Variants in PTPRQ observed in about 807,000 individuals in gnomAD.
PTPRQ encodes phosphatidylinositol phosphatase PTPRQ.
Under a neutral mutation model 246.0 loss-of-function variants are expected in PTPRQ, and 199 were observed. That is an observed-to-expected ratio of 0.81 (90% confidence interval 0.72 to 0.91). The LOEUF is 0.91. Among genes scored for constraint, PTPRQ ranks in the 40% least tolerant of loss-of-function variants. The pLI is 0.00. For synonymous variants in PTPRQ, 869 were observed against 853.2 expected, an observed-to-expected ratio of 1.02 and a Z score of -0.32; for missense variants, 2,624 against 2,528.4, an observed-to-expected ratio of 1.04 and a Z score of -0.81.
In PTPRQ at chr12:80,635,090, G is replaced by A; in HGVS notation, c.5915+17G>A. The A allele has an allele frequency of 1.3e-6, 2 of 1,548,730 alleles. No homozygotes were observed. The highest frequency in any genetic ancestry group is 8.7e-7 in the Non-Finnish European group (1 of 1,145,878). On this transcript the variant is annotated intron_variant, in intron 35 of 44. Transcript: ENST00000644991. ...ATTAACGCGGTGAGCACACTCCTCT[G>A]GGTGAACTGTGGTCCAGAGGGCCTG...
chr12:80,487,179 G>A (rs1278613363), intron 9 of PTPRQ, among the ~76,000 whole-genome samples: 2 of 151,914 alleles, frequency 1.3e-5, no homozygotes, highest in Non-Finnish European at 2.9e-5. Context: ...GCCATTTGTG[G>A]GAAGAGTCCA....
chr12:80,454,316 A>G (rs7972946), intron 3 of PTPRQ, among the ~76,000 whole-genome samples: 70,612 of 133,098 alleles, frequency 0.53, 20,611 homozygotes, highest in African/African-American at 0.85. Context: ...GACCCCTTGC[A>G]CTTCCCGAGT....
chr12:80,541,797 T>A lies in PTPRQ; in HGVS notation c.3397T>A (p.Phe1133Ile). 6.4e-7 allele frequency: 1 copy of A among 1,550,724 alleles called. No homozygotes were observed. Among genetic ancestry groups the A allele is most frequent in the Non-Finnish European group, 8.7e-7 (1 of 1,146,470 alleles). ...LKITPSTEKG[F>I]SDTYTAQLYI... Reference sequence around the variant, plus strand: ...AATTACTCCATCAACAGAAAAGGGATTCTCTGATACCTATACTGCCCAGCT... The same window carrying A: ...AATTACTCCATCAACAGAAAAGGGAATCTCTGATACCTATACTGCCCAGCT... Residue 1133 changes from phenylalanine to isoleucine, a missense_variant, in exon 21 of 45, where the codon TTC (phenylalanine) becomes ATC (isoleucine). Coordinates refer to ENST00000644991, the MANE Select transcript of PTPRQ (RefSeq NM_001145026.2).
Position 80,619,473 on chromosome 12 carries a change from C to A in PTPRQ, c.5320C>A (p.Pro1774Thr). The A allele has an allele frequency of 2.6e-6, 4 of 1,547,804 alleles. No homozygotes were observed. The highest frequency in any genetic ancestry group is 3.5e-6 in the Non-Finnish European group (4 of 1,144,594). The change falls in exon 31 of 45, where the codon CCA (proline) becomes ACA (threonine). Residue 1774 changes from proline to threonine, a missense_variant. By Grantham distance (38) the Pro-to-Thr change is conservative. Transcript: ENST00000644991. ...TTCAACAACAATTACAATCAGAATGCCAATATGTTACTACAGTGATGATCA... is the reference window on the plus strand; with the variant it reads ...TTCAACAACAATTACAATCAGAATGACAATATGTTACTACAGTGATGATCA... ...VTSTTITIRM[P>T]ICYYSDDHGP...
intron 42 of PTPRQ, among the ~76,000 whole-genome samples, chr12:80,670,990 A>C (rs1369628540): frequency 6.6e-6 from 1 of 152,128 alleles, no homozygotes; most frequent in Non-Finnish European, 1.5e-5. Context: ...TCACCACAAT[A>C]AAAAGATTTT....
At position 80,484,733 on chromosome 12, in the gene PTPRQ, T is replaced by A. The variant is rs1345328085; in HGVS notation, c.1359+128T>A. 2.7e-6 allele frequency: 3 copies of A among 1,104,106 alleles called. No individual in the cohort carries two copies. The African/African-American group carries it at 4.8e-5, about 18-fold the overall frequency. 68.4% of individuals were successfully genotyped at this position (1,104,106 alleles called of 1,614,324 possible). ...CTTACTAGTACAAAGTAAAGTAAAT[T>A]TGGGGCATGTTGATAATCTAGCTAG... On this transcript the variant is annotated intron_variant, in intron 9 of 44. Transcript: ENST00000644991.
intron 6 of PTPRQ, among the ~76,000 whole-genome samples, chr12:80,461,446 T>A (rs1263993787): frequency 6.6e-6 from 1 of 152,140 alleles, no homozygotes; most frequent in Admixed American, 6.6e-5. Context: ...AATTAGATAT[T>A]ATCATTACTA....
chr12:80,513,195 A>G (rs1354155258), intron 17 of PTPRQ, among the ~76,000 whole-genome samples: 1 of 152,082 alleles, frequency 6.6e-6, no homozygotes, highest in Admixed American at 6.5e-5. Flanking sequence ...CCAGAACTGG[A>G]TCACACGTGG....
intron 25 of PTPRQ, among the ~76,000 whole-genome samples, chr12:80,555,723 T>G (rs558207847): frequency 6.6e-6 from 1 of 152,276 alleles, no homozygotes; most frequent in Non-Finnish European, 1.5e-5. Flanking sequence ...AATTCAGGTG[T>G]TTTATACAGT....
At chr12:80,504,314 G>T (rs1894890208) in intron 14 of PTPRQ, among the ~76,000 whole-genome samples, 1 of 151,256 alleles carries the variant, frequency 6.6e-6, no homozygotes. Context: ...TTTAATTTTA[G>T]TTATTTTGTT....
chr12:80,667,469 A>T (rs1454380306), intron 39 of PTPRQ, among the ~76,000 whole-genome samples: 1 of 151,994 alleles, frequency 6.6e-6, no homozygotes, highest in South Asian at 2.1e-4. Flanking sequence ...ACTTTCTCTC[A>T]TAGCCCTTAT....
chr12:80,616,027 T>C (rs1166507407), intron 29 of PTPRQ, among the ~76,000 whole-genome samples, 173 bp from the exon 30 acceptor site: 5 of 150,368 alleles, frequency 3.3e-5, no homozygotes, highest in South Asian at 2.1e-4. Context: ...ATAGACTATA[T>C]GCAGTTGTTT....
At chr12:80,650,717 A>G (rs1051534556) in intron 37 of PTPRQ, among the ~76,000 whole-genome samples, 6 of 152,068 alleles carry the variant, frequency 3.9e-5, no homozygotes, top group Non-Finnish European at 1.5e-5. Context: ...GCATTTAGAC[A>G]GCAAGAATTC....
chr12:80,452,534 T>C (rs1892802757), intron 3 of PTPRQ, among the ~76,000 whole-genome samples: 1 of 152,334 alleles, frequency 6.6e-6, no homozygotes, highest in East Asian at 1.9e-4. Flanking sequence ...TAGTGCTTCC[T>C]TCAGGAGCTC....
chr12:80,657,916 T>A, intron 38 of PTPRQ, 69 bp from the exon 39 acceptor site: 1 of 1,178,036 alleles, frequency 8.5e-7, no homozygotes, highest in Non-Finnish European at 1.1e-6. Context: ...TTTGTATTAC[T>A]TTTATAGTAA....
intron 25 of PTPRQ, among the ~76,000 whole-genome samples, chr12:80,572,799 G>A (rs1897181729): frequency 6.6e-6 from 1 of 152,096 alleles, no homozygotes; most frequent in South Asian, 2.1e-4. Flanking sequence ...GCTGTGATAA[G>A]TTACATGGTT....
chr12:80,549,864 C>T, intron 25 of PTPRQ, 130 bp downstream of exon 25: 1 of 1,268,870 alleles, frequency 7.9e-7, no homozygotes, highest in Non-Finnish European at 1.0e-6. Context: ...ACAACACAGG[C>T]TTTTTATCCC....
Position 80,542,340 on chromosome 12 carries a change from C to T in PTPRQ, c.3697C>T (p.Leu1233Phe). Residue 1233 changes from leucine to phenylalanine, a missense_variant, in exon 22 of 45, where the codon CTT becomes TTT. By Grantham distance (22) the Leu-to-Phe change is conservative. Coordinates refer to ENST00000644991, the MANE Select transcript of PTPRQ (RefSeq NM_001145026.2). ...AAAAGGACTTGGTCCTTCCAGTATT[C>T]TTTTCTTTTACACAGATGAGTCAGG... The part of the protein sequence containing the change: ...TRKGLGPSSI[L>F]FFYTDESVPL... 1 of 1,544,206 alleles carries T rather than the reference C, an allele frequency of 6.5e-7. No homozygotes were observed. The highest frequency in any genetic ancestry group is 8.7e-7 in the Non-Finnish European group (1 of 1,145,304).
At chr12:80,525,662 C>G (rs1261019676) in intron 17 of PTPRQ, among the ~76,000 whole-genome samples, 3 of 151,674 alleles carry the variant, frequency 2.0e-5, no homozygotes, top group Non-Finnish European at 4.4e-5. Flanking sequence ...CTGTCTCTCT[C>G]TCTCTCTCTC....
Sources: gnomAD v4.1 joint callset for allele counts (sites outside exome capture counted in the v4.1 genomes callset) on GRCh38, gnomAD v4.1.1 for gene constraint, MANE v1.5 for transcripts, NCBI Gene and HGNC (gene_info 2026-07-23, HGNC 2026-07-21) for gene names.